Variants in JARID2 observed in about 807,000 individuals in gnomAD.
The protein encoded by JARID2 is jumonji and AT-rich interaction domain containing 2, also known as protein Jumonji.
JARID2 carries 21 observed loss-of-function variants against 125.6 expected under a neutral mutation model. The observed-to-expected ratio is 0.17, with a 90% CI of 0.12 to 0.24. JARID2 has a LOEUF of 0.24. Among genes scored for constraint, JARID2 ranks in the 10% least tolerant of loss-of-function variants. The probability of loss-of-function intolerance (pLI) is 1.00; values close to 1 mark genes in which losing one functional copy is unlikely to be tolerated. For missense variants in JARID2, 1,303 were observed against 1,639.6 expected (o/e 0.79, Z 3.55); for synonymous variants, 736 against 661.6 (o/e 1.11, Z -1.73).
chr6:15,519,101 G>GGT (rs1483412397), intron 17 of JARID2, among the ~76,000 whole-genome samples: 1 of 152,228 alleles, frequency 6.6e-6, no homozygotes, highest in African/African-American at 2.4e-5. Context: ...GTCTGGGGCA[G>GGT]GTGCTGCCCA....
intron 2 of JARID2, chr6:15,400,878 C>G: frequency 7.8e-7 from 1 of 1,288,032 alleles, no homozygotes; most frequent in Non-Finnish European, 1.0e-6. Context: ...GAGCCTGCCT[C>G]ACTGCGCTCT....
chr6:15,444,115 G>T (rs1561866382), intron 3 of JARID2, among the ~76,000 whole-genome samples: 1 of 152,104 alleles, frequency 6.6e-6, no homozygotes, highest in Non-Finnish European at 1.5e-5. Flanking sequence ...GACCACTAGG[G>T]CTCCATCTCC....
At chr6:15,276,503 G>T (rs1760527077) in intron 1 of JARID2, among the ~76,000 whole-genome samples, 1 of 152,164 alleles carries the variant, frequency 6.6e-6, no homozygotes, top group South Asian at 2.1e-4. Context: ...CTGTTTGGAG[G>T]TAAAAGTTTA....
chr6:15,391,493 A>T (rs1278248957), intron 2 of JARID2, among the ~76,000 whole-genome samples: 1 of 152,108 alleles, frequency 6.6e-6, no homozygotes, highest in Non-Finnish European at 1.5e-5. Flanking sequence ...ACTGTGGGAG[A>T]GCATCCGATG....
chr6:15,306,601 GT>G (rs1761837026), intron 1 of JARID2, among the ~76,000 whole-genome samples: 1 of 151,798 alleles, frequency 6.6e-6, no homozygotes, highest in African/African-American at 2.4e-5. Context: ...GCCTCCCAAA[GT>G]ACTGGGATTA....
chr6:15,521,816 T>C lies in JARID2; in HGVS notation c.*1565T>C, dbSNP rs962205378. On this transcript the variant is annotated 3_prime_UTR_variant, in exon 18 of 18. Transcript: ENST00000341776. ...AACAGTCAAGTGTTTTCCAATGTGG[T>C]TGTCCGGTTTCTATGGCCTTGCTGT... The C allele has an allele frequency of 4.6e-5, 7 of 152,222 alleles. No homozygotes were observed. The highest frequency in any genetic ancestry group is 1.3e-4 in the Admixed American group (2 of 15,284). 9.4% of individuals were successfully genotyped at this position (152,222 alleles called of 1,614,324 possible).
chr6:15,487,573 G>A, intron 6 of JARID2, 31 bp downstream of exon 6: 1 of 1,522,802 alleles, frequency 6.6e-7, no homozygotes, highest in Non-Finnish European at 8.9e-7. Context: ...CTACATGTGT[G>A]CCAGACCCCA....
chr6:15,406,302 C>T (rs1480885927), intron 2 of JARID2, among the ~76,000 whole-genome samples: 2 of 152,110 alleles, frequency 1.3e-5, no homozygotes, highest in Non-Finnish European at 2.9e-5. Flanking sequence ...AGCGTGGTAG[C>T]GAACGCCTAT....
chr6:15,340,716 G>A (rs754725399), intron 1 of JARID2, among the ~76,000 whole-genome samples: 2 of 152,190 alleles, frequency 1.3e-5, no homozygotes, highest in Non-Finnish European at 2.9e-5. Flanking sequence ...AGCTGAGGCC[G>A]TGATCTTTAT....
intron 5 of JARID2, among the ~76,000 whole-genome samples, chr6:15,480,036 G>A (rs1769535041): frequency 6.6e-6 from 1 of 152,204 alleles, no homozygotes; most frequent in South Asian, 2.1e-4. Context: ...TCTGTGTCTT[G>A]CCCAAGGAAG....
intron 1 of JARID2, among the ~76,000 whole-genome samples, chr6:15,364,995 T>G (rs1243190507): frequency 1.3e-5 from 2 of 152,202 alleles, no homozygotes; most frequent in African/African-American, 2.4e-5. Flanking sequence ...GGGGATTTTT[T>G]GGGGGTATAT....
In JARID2 at chr6:15,436,403, C is replaced by T. The variant is rs751636801; in HGVS notation, c.324-15603C>T. Among the ~76,000 whole-genome samples the T allele has an allele frequency of 2.4e-4, 36 of 152,328 alleles. 1 individual carries two copies. The highest frequency in any genetic ancestry group is 3.5e-4 in the Non-Finnish European group (24 of 68,040). On this transcript the variant is annotated intron_variant, in intron 3 of 17. Transcript: ENST00000341776. ...TGCGGCCGTGCTCTCCACAACCAGCCGCTTGTGTCGTCTTCCGCTGATGTG... is the reference window on the plus strand; with the variant it reads ...TGCGGCCGTGCTCTCCACAACCAGCTGCTTGTGTCGTCTTCCGCTGATGTG...
chr6:15,335,608 C>T (rs1415356803), intron 1 of JARID2, among the ~76,000 whole-genome samples: 2 of 152,194 alleles, frequency 1.3e-5, no homozygotes, highest in African/African-American at 4.8e-5. Context: ...GTTCCCCTTT[C>T]TCTGCCTGCC....
At chr6:15,447,255 G>T (rs1336352969) in intron 3 of JARID2, among the ~76,000 whole-genome samples, 2 of 152,034 alleles carry the variant, frequency 1.3e-5, no homozygotes, top group East Asian at 1.9e-4. Context: ...ACATTTACTT[G>T]ATTTGATCTT....
intron 1 of JARID2, among the ~76,000 whole-genome samples, chr6:15,337,936 C>T (rs942085152): frequency 5.3e-5 from 8 of 152,078 alleles, no homozygotes; most frequent in African/African-American, 1.7e-4. Context: ...CTGAGGGTTC[C>T]GAGGCCAGGC....
chr6:15,331,021 T>G (rs984953225), intron 1 of JARID2, among the ~76,000 whole-genome samples: 11 of 152,142 alleles, frequency 7.2e-5, no homozygotes, highest in Admixed American at 2.6e-4. Context: ...AGGAGCGGTA[T>G]TTCAGGAATT....
chr6:15,374,075 C>G, intron 1 of JARID2, 42 bp from the exon 2 acceptor site: 1 of 1,601,298 alleles, frequency 6.2e-7, no homozygotes, highest in South Asian at 1.1e-5. Context: ...TATTGCCTTG[C>G]TTTCTATTCA....
intron 1 of JARID2, among the ~76,000 whole-genome samples, chr6:15,311,938 T>A (rs1284469757): frequency 1.3e-5 from 2 of 152,240 alleles, no homozygotes; most frequent in Non-Finnish European, 1.5e-5. Context: ...CATTAACTTT[T>A]ATTTAATTTG....
chr6:15,520,824 G>A lies in JARID2; in HGVS notation c.*573G>A, dbSNP rs570480344. 89 of 455,954 alleles carry A rather than the reference G, an allele frequency of 2.0e-4. No individual in the cohort carries two copies. Among genetic ancestry groups the A allele is most frequent in the African/African-American group, 1.7e-3 (83 of 50,170 alleles). 28.2% of individuals were successfully genotyped at this position (455,954 alleles called of 1,614,324 possible). A position where few individuals can be genotyped will look rare whatever the true frequency, so the allele number is the denominator to read the frequency against. On this transcript the variant is annotated 3_prime_UTR_variant, in exon 18 of 18. Coordinates refer to ENST00000341776, the MANE Select transcript of JARID2 (RefSeq NM_004973.4). ...CTCTGGGCGGTTGTGGCAGCTGAAG[G>A]CGGACGTTGTTTCCTAACCATAGGT...
Sources: allele counts gnomAD v4.1 joint callset (sites outside exome capture counted in the v4.1 genomes callset), GRCh38; gene constraint gnomAD v4.1.1; transcripts MANE v1.5; gene names NCBI Gene and HGNC (gene_info 2026-07-23, HGNC 2026-07-21).